ADAMTSL1: variants seen among roughly 807,000 people sequenced by gnomAD.
ADAMTSL1 encodes ADAMTS like 1, also known as ADAMTS-like protein 1.
A neutral mutation model predicts 201.8 loss-of-function variants in ADAMTSL1; 126 were observed. That is an observed-to-expected ratio of 0.62 (90% CI 0.54 to 0.72). ADAMTSL1 has a LOEUF of 0.72. Among genes scored for constraint, ADAMTSL1 ranks in the 30% least tolerant of loss-of-function variants. The pLI, the probability that ADAMTSL1 is intolerant of heterozygous loss-of-function variation, is 0.00. For missense variants in ADAMTSL1, 2,679 were observed against 2,277.8 expected (o/e 1.18, Z -3.59); for synonymous variants, 1,121 against 903.4 (o/e 1.24, Z -4.32).
chr9:18,425,193 C>T (rs886513024), intron 2 of ADAMTSL1, among the ~76,000 whole-genome samples: 6 of 152,030 alleles, frequency 3.9e-5, no homozygotes, highest in African/African-American at 1.4e-4. Context: ...CTCCCTCCCC[C>T]ACTTCATCTT....
chr9:18,663,869 C>A (rs1587836273), intron 9 of ADAMTSL1, among the ~76,000 whole-genome samples: 1 of 152,064 alleles, frequency 6.6e-6, no homozygotes, highest in Non-Finnish European at 1.5e-5. Context: ...GTTGGAGAAA[C>A]TTTTTTGGCC....
At chr9:18,822,511 G>A (rs1467580434) in intron 21 of ADAMTSL1, among the ~76,000 whole-genome samples, 3 of 152,148 alleles carry the variant, frequency 2.0e-5, no homozygotes, top group Non-Finnish European at 4.4e-5. Context: ...GGGGACTGTT[G>A]GCATTAAAGG....
At chr9:18,439,757 C>T (rs1044812829) in intron 2 of ADAMTSL1, among the ~76,000 whole-genome samples, 5 of 152,156 alleles carry the variant, frequency 3.3e-5, no homozygotes, top group Non-Finnish European at 7.3e-5. Context: ...CTCTTGAATG[C>T]TTTATCAGTA....
At chr9:18,333,565 G>T (rs7874035) in intron 2 of ADAMTSL1, among the ~76,000 whole-genome samples, 3,704 of 152,242 alleles carry the variant, frequency 0.024, 143 homozygotes, top group African/African-American at 0.083. Context: ...AATGACTTCA[G>T]ATAGCTTTAC....
chr9:18,012,797 G>A (rs1820106984), intron 1 of ADAMTSL1, among the ~76,000 whole-genome samples: 2 of 151,904 alleles, frequency 1.3e-5, no homozygotes, highest in Admixed American at 6.6e-5. Context: ...TGTCTTTCTT[G>A]CTTCTCCTTA....
At chr9:18,652,816 T>C (rs986373921) in intron 7 of ADAMTSL1, among the ~76,000 whole-genome samples, 1 of 152,186 alleles carries the variant, frequency 6.6e-6, no homozygotes, top group East Asian at 1.9e-4. Flanking sequence ...CTTTATCCGC[T>C]GGAGGCTGAG....
intron 2 of ADAMTSL1, among the ~76,000 whole-genome samples, chr9:18,267,541 CTG>C (rs749720883): frequency 2.9e-4 from 44 of 152,142 alleles, no homozygotes; most frequent in Non-Finnish European, 4.9e-4. Flanking sequence ...AGAAATGAAC[CTG>C]TCATTGTATT....
At chr9:18,531,079 A>T (rs2811796) in intron 2 of ADAMTSL1, among the ~76,000 whole-genome samples, 4,517 of 152,272 alleles carry the variant, frequency 0.03, 91 homozygotes, top group Non-Finnish European at 0.046. Context: ...AGCACCAAGA[A>T]CACATCCTTT....
At chr9:18,098,975 A>G (rs1263843813) in intron 1 of ADAMTSL1, among the ~76,000 whole-genome samples, 1 of 152,156 alleles carries the variant, frequency 6.6e-6, no homozygotes, top group East Asian at 1.9e-4. Context: ...TCTGTTGATT[A>G]ATATCTGAAG....
chr9:18,208,837 T>C (rs1829755692), intron 2 of ADAMTSL1, among the ~76,000 whole-genome samples: 1 of 152,188 alleles, frequency 6.6e-6, no homozygotes, highest in Non-Finnish European at 1.5e-5. Flanking sequence ...CCTTGATTAA[T>C]GTTTAACTTT....
chr9:18,571,412 A>C (rs1315124964), intron 3 of ADAMTSL1, among the ~76,000 whole-genome samples: 1 of 152,162 alleles, frequency 6.6e-6, no homozygotes, highest in Non-Finnish European at 1.5e-5. Context: ...GCTTTATTGT[A>C]TTTCAGTATA....
intron 7 of ADAMTSL1, among the ~76,000 whole-genome samples, chr9:18,654,105 T>C (rs1000471293): frequency 3.3e-5 from 5 of 152,250 alleles, no homozygotes; most frequent in Admixed American, 3.3e-4. Flanking sequence ...GGTGGACACC[T>C]ATAATACCAG....
intron 2 of ADAMTSL1, among the ~76,000 whole-genome samples, chr9:18,314,337 C>T (rs1205898781): frequency 2.6e-5 from 4 of 152,110 alleles, no homozygotes; most frequent in African/African-American, 4.8e-5. Flanking sequence ...TTCTTGGTCT[C>T]GCTGACTTCA....
At chr9:17,958,538 A>G (rs1195329199) in intron 1 of ADAMTSL1, among the ~76,000 whole-genome samples, 1 of 152,186 alleles carries the variant, frequency 6.6e-6, no homozygotes, top group African/African-American at 2.4e-5. Context: ...TAGATGAGGA[A>G]CAGCTCATTA....
intron 5 of ADAMTSL1, chr9:18,622,600 A>AACC (rs1263292495): frequency 3.3e-6 from 2 of 605,808 alleles, no homozygotes; most frequent in African/African-American, 1.9e-5. Flanking sequence ...ATCAGGAGTG[A>AACC]ACCAGACATG....
intron 1 of ADAMTSL1, among the ~76,000 whole-genome samples, chr9:18,162,295 T>C (rs959048415): frequency 6.6e-6 from 1 of 152,014 alleles, no homozygotes; most frequent in Admixed American, 6.6e-5. Flanking sequence ...GCTGACTTCC[T>C]CTTCTCCCTC....
At chr9:18,537,139 G>T (rs1819825816) in intron 3 of ADAMTSL1, among the ~76,000 whole-genome samples, 1 of 152,122 alleles carries the variant, frequency 6.6e-6, no homozygotes, top group Non-Finnish European at 1.5e-5. Context: ...GGGGTTCATT[G>T]TTAAATAAAA....
At chr9:18,324,971 G>A (rs1248444300) in intron 2 of ADAMTSL1, among the ~76,000 whole-genome samples, 1 of 151,988 alleles carries the variant, frequency 6.6e-6, no homozygotes, top group Non-Finnish European at 1.5e-5. Context: ...AAGATATATG[G>A]ACAGCCAATA....
chr9:18,881,239 A>G (rs1828515926), intron 23 of ADAMTSL1, among the ~76,000 whole-genome samples: 1 of 152,152 alleles, frequency 6.6e-6, no homozygotes, highest in Non-Finnish European at 1.5e-5. Context: ...TTTTCTTTGC[A>G]TTCACAACTT....
Sources: gnomAD v4.1 joint callset for allele counts (sites outside exome capture counted in the v4.1 genomes callset) on GRCh38, gnomAD v4.1.1 for gene constraint, MANE v1.5 for transcripts, NCBI Gene and HGNC (gene_info 2026-07-23, HGNC 2026-07-21) for gene names.